Variants in PAQR9 observed in about 807,000 individuals in gnomAD.
PAQR9 encodes progestin and adipoQ receptor family member 9.
A neutral mutation model predicts 24.0 loss-of-function variants in PAQR9; 12 were observed. That is an observed-to-expected ratio of 0.50 (90% confidence interval 0.32 to 0.81). The LOEUF is 0.81. PAQR9 is among the 30% of genes least tolerant of loss of function. The pLI, the probability that PAQR9 is intolerant of heterozygous loss-of-function variation, is 0.03. For missense variants in PAQR9, 418 were observed against 520.8 expected, an observed-to-expected ratio of 0.80 and a Z score of 1.92; for synonymous variants, 266 against 237.6, an observed-to-expected ratio of 1.12 and a Z score of -1.10.
chr3:142,963,917 C>G, upstream of PAQR9: 1 of 984,166 alleles, frequency 1.0e-6, no homozygotes, highest in Non-Finnish European at 1.2e-6. Flanking sequence ...GGGCCGCAGG[C>G]TGGTCGGCGA....
downstream of PAQR9, among the ~76,000 whole-genome samples, chr3:142,951,382 C>T (rs1440264395): frequency 6.6e-6 from 1 of 152,172 alleles, no homozygotes; most frequent in Non-Finnish European, 1.5e-5. Flanking sequence ...AAGTAGCTGT[C>T]TGATTCAGAA....
At position 142,963,642 on chromosome 3, in the gene PAQR9, G is replaced by A. The variant is rs1050962671; in HGVS notation, c.-306C>T. 3 of 651,140 alleles carry A rather than the reference G, an allele frequency of 4.6e-6. No homozygotes were observed. In the African/African-American group the frequency reaches 6.0e-5, roughly 13 times the overall value. The allele number at this position is 651,140 out of a possible 1,614,324, so 40.3% of individuals were successfully genotyped here. A position where few individuals can be genotyped will look rare whatever the true frequency, so the allele number is the denominator to read the frequency against. On this transcript the variant is annotated 5_prime_UTR_variant, in exon 1 of 1. Coordinates refer to ENST00000340634, the MANE Select transcript of PAQR9 (RefSeq NM_198504.4). ...GCGCTGCGGCAGCGGCGGCGGCGCGGCTGACTGCGGCGGCAGCGCGGCAGC... is the reference window on the plus strand; with the variant it reads ...GCGCTGCGGCAGCGGCGGCGGCGCGACTGACTGCGGCGGCAGCGCGGCAGC...
upstream of PAQR9, chr3:142,963,810 C>A (rs896279254): frequency 2.0e-6 from 2 of 985,008 alleles, no homozygotes; most frequent in African/African-American, 3.5e-5. Context: ...GTTTCGCGGC[C>A]GCTTCGGGGG....
In PAQR9 at chr3:142,957,639, TG is replaced by T. The variant is rs1401259782; in HGVS notation, c.*4563del. ...GACATCTCAATTTAGGCACTTTGGA[TG>T]ATCCACTCTTCATAATAGTATGAAT... On this transcript the variant is annotated 3_prime_UTR_variant, in exon 1 of 1. Coordinates refer to ENST00000340634, the MANE Select transcript of PAQR9 (RefSeq NM_198504.4). Among the ~76,000 whole-genome samples the T allele has an allele frequency of 6.6e-6, 1 of 152,226 alleles. No individual in the cohort carries two copies. The highest frequency in any genetic ancestry group is 6.5e-5 in the Admixed American group (1 of 15,280).
Position 142,956,432 on chromosome 3 carries a change from T to C in PAQR9, c.*5771A>G, listed in dbSNP as rs2108239952. On this transcript the variant is annotated 3_prime_UTR_variant, in exon 1 of 1. Coordinates refer to ENST00000340634, the MANE Select transcript of PAQR9 (RefSeq NM_198504.4). ...TTTTGCACATTCAAGAAATTTTCCT[T>C]GAGAAATGCCATGTTTGGAATAGCT... Among the ~76,000 whole-genome samples the C allele has an allele frequency of 6.6e-6, 1 of 152,352 alleles. No homozygotes were observed. Among genetic ancestry groups the C allele is most frequent in the African/African-American group, 2.4e-5 (1 of 41,584 alleles).
At position 142,963,000 on chromosome 3, in the gene PAQR9, G is replaced by C. The variant is rs546700847; in HGVS notation, c.337C>G (p.Pro113Ala). 1 of 1,614,134 alleles carries C rather than the reference G, an allele frequency of 6.2e-7. No homozygotes were observed. The highest frequency in any genetic ancestry group is 1.7e-5 in the Admixed American group (1 of 60,032). Residue 113 changes from proline to alanine, a missense_variant, in exon 1 of 1, where the codon CCC becomes GCC. By Grantham distance (27) the Pro-to-Ala change is conservative. Around this residue, in one of 3 missense-constraint regions of PAQR9, gnomAD observed 180 missense variants for 190.3 expected, o/e 0.95. Transcript: ENST00000340634. ...RLFFLSGGDV[P>A]FHHPWLLPLW... ...GGTAGCAGCCACGGGTGGTGGAAGG[G>C]CACGTCGCCGCCGCTCAGGAAGAAC...
Position 142,963,300 on chromosome 3 carries a change from T to C in PAQR9, c.37A>G (p.Lys13Glu). 7.0e-7 allele frequency: 1 copy of C among 1,430,586 alleles called. No homozygotes were observed. The highest frequency in any genetic ancestry group is 9.1e-7 in the Non-Finnish European group (1 of 1,099,584). The allele number at this position is 1,430,586 out of a possible 1,614,324, so 88.6% of individuals were successfully genotyped here. Residue 13 changes from lysine (K) to glutamate (E), a missense_variant, in exon 1 of 1, where the codon AAA (lysine) becomes GAA (glutamate). Physicochemically the swap from Lys to Glu is moderately conservative, Grantham distance 56. This residue lies in a region of PAQR9 where 180 missense variants were observed against 190.3 expected (regional missense o/e 0.95). Coordinates refer to ENST00000340634, the MANE Select transcript of PAQR9 (RefSeq NM_198504.4). The part of the protein sequence containing the change: ...RRLQPRGAGT[K>E]GPPAPAPAAS... ...GCCGGGGCCGGGGCCGGAGGGCCTT[T>C]TGTGCCCGCGCCCCGGGGCTGCAGG...
Position 142,962,340 on chromosome 3 carries a change from G to A in PAQR9, c.997C>T (p.Leu333=). The part of the protein sequence containing the change: ...YDQVYYVEEG[L]RQFLQAPPAA... Reference sequence around the variant, plus strand: ...GGCGGCGCCTGGAGGAACTGGCGCAGGCCCTCTTCTACGTAGTACACCTGG... The same window carrying A: ...GGCGGCGCCTGGAGGAACTGGCGCAAGCCCTCTTCTACGTAGTACACCTGG... Residue 333 remains leucine (L), a synonymous_variant, in exon 1 of 1, where the codon CTG becomes TTG. Coordinates refer to ENST00000340634, the MANE Select transcript of PAQR9 (RefSeq NM_198504.4). 6.2e-7 allele frequency: 1 copy of A among 1,614,104 alleles called. No homozygotes were observed. Among genetic ancestry groups the A allele is most frequent in the Non-Finnish European group, 8.5e-7 (1 of 1,180,032 alleles).
Position 142,960,601 on chromosome 3 carries a change from T to G in PAQR9, c.*1602A>C, listed in dbSNP as rs1380015394. On this transcript the variant is annotated 3_prime_UTR_variant, in exon 1 of 1. Coordinates refer to ENST00000340634, the MANE Select transcript of PAQR9 (RefSeq NM_198504.4). ...AAAAAAACTCCCAATCAATGACTTA[T>G]TTGGCTTCTAACAAAATGACCTACC... 6.6e-6 allele frequency: 1 copy of G among 152,218 alleles called. No individual in the cohort carries two copies. The allele number at this position is 152,218 out of a possible 1,614,324, so 9.4% of individuals were successfully genotyped here.
At position 142,955,442 on chromosome 3, in the gene PAQR9, TAAAAAAAAAAAAA is replaced by T. The variant is rs150071656; in HGVS notation, c.*6748_*6760del. ...GAGCGACCACATGGTCTATACAAATTAAAAAAAAAAAAAAAAAAAAAAAAAAAAAAAAAAAGCA... is the reference window on the plus strand; with the variant it reads ...GAGCGACCACATGGTCTATACAAATTAAAAAAAAAAAAAAAAAAAAAAGCA... On this transcript the variant is annotated 3_prime_UTR_variant, in exon 1 of 1. Coordinates refer to ENST00000340634, the MANE Select transcript of PAQR9 (RefSeq NM_198504.4). 9.7e-4 allele frequency among the ~76,000 whole-genome samples: 21 copies of T among 21,610 alleles called. No individual in the cohort carries two copies. The South Asian group carries it at 0.019, about 19-fold the overall frequency. The allele number at this position is 21,610 out of a possible 152,430, so 14.2% of individuals were successfully genotyped here.
chr3:142,963,012 C>CGCTCAGGAAGAACAGACGGCAGAACTT lies in PAQR9; in HGVS notation c.298_324dup (p.Lys100_Ser108dup), dbSNP rs750236783. 3 of 1,614,170 alleles carry CGCTCAGGAAGAACAGACGGCAGAACTT rather than the reference C, an allele frequency of 1.9e-6. No individual in the cohort carries two copies. The highest frequency in any genetic ancestry group is 2.2e-5 in the East Asian group (1 of 44,872). On this transcript the variant is annotated inframe_insertion, in exon 1 of 1. Coordinates refer to ENST00000340634, the MANE Select transcript of PAQR9 (RefSeq NM_198504.4). ...GGGTGGTGGAAGGGCACGTCGCCGC[C>CGCTCAGGAAGAACAGACGGCAGAACTT]GCTCAGGAAGAACAGACGGCAGAAC...
At chr3:142,952,973 AC>A (rs1934739170), downstream of PAQR9, 2 of 438,832 alleles carry the variant, frequency 4.6e-6, no homozygotes, top group African/African-American at 4.0e-5. Context: ...CTCAAGAGAT[AC>A]GAGACAGCCC....
chr3:142,962,127 G>T lies in PAQR9; in HGVS notation c.*76C>A. Reference sequence around the variant, plus strand: ...CAAAGAAGAAAACACAATGAAATTTGAAAACAAACCAACAATAGCAACAAC... The same window carrying T: ...CAAAGAAGAAAACACAATGAAATTTTAAAACAAACCAACAATAGCAACAAC... On this transcript the variant is annotated 3_prime_UTR_variant, in exon 1 of 1. Coordinates refer to ENST00000340634, the MANE Select transcript of PAQR9 (RefSeq NM_198504.4). 2 of 1,481,886 alleles carry T rather than the reference G, an allele frequency of 1.3e-6. No homozygotes were observed. Among genetic ancestry groups the T allele is most frequent in the Non-Finnish European group, 9.2e-7 (1 of 1,087,862 alleles). 91.8% of individuals were successfully genotyped at this position (1,481,886 alleles called of 1,614,324 possible).
At position 142,962,957 on chromosome 3, in the gene PAQR9, GAC is replaced by G; in HGVS notation, c.378_379del (p.Ser127GlyfsTer249). 1 of 1,614,068 alleles carries G rather than the reference GAC, an allele frequency of 6.2e-7. No individual in the cohort carries two copies. Among genetic ancestry groups the G allele is most frequent in the East Asian group, 2.2e-5 (1 of 44,872 alleles). ...CATGGCGAAGGTCAGCAGCACTCCC[GAC>G]GCGTAGCACCACAACGGTAGCAGCC... On this transcript the variant is annotated frameshift_variant, in exon 1 of 1. Coordinates refer to ENST00000340634, the MANE Select transcript of PAQR9 (RefSeq NM_198504.4). LOFTEE classifies it high-confidence loss of function.
At position 142,962,410 on chromosome 3, in the gene PAQR9, G is replaced by A. The variant is rs1352581919; in HGVS notation, c.927C>T (p.His309=). Residue 309 remains histidine (H), a synonymous_variant, in exon 1 of 1, where the codon CAC becomes CAT. Coordinates refer to ENST00000340634, the MANE Select transcript of PAQR9 (RefSeq NM_198504.4). ...TGAAGATGTGGAAGAGCTGGTGGCT[G>A]TGGCCGATAATGTCGAAAAGACCCG... ...IQPGLFDIIG[H]SHQLFHIFTF... 2 of 1,614,196 alleles carry A rather than the reference G, an allele frequency of 1.2e-6. No homozygotes were observed. Among genetic ancestry groups the A allele is most frequent in the Non-Finnish European group, 8.5e-7 (1 of 1,180,036 alleles).
downstream of PAQR9, chr3:142,951,800 G>C: frequency 2.2e-6 from 1 of 456,618 alleles, no homozygotes; most frequent in Non-Finnish European, 4.4e-6. Flanking sequence ...AAAGTCAGCA[G>C]AGGAGACTGT....
rs1006565541 is a variant in PAQR9 at position 142,961,992 on chromosome 3, C to T, written c.*211G>A. ...GGGGCAAGAACAAGTGACTATCTCCCTCCCGCTTGACCACCCCTGCCAACC... is the reference window on the plus strand; with the variant it reads ...GGGGCAAGAACAAGTGACTATCTCCTTCCCGCTTGACCACCCCTGCCAACC... On this transcript the variant is annotated 3_prime_UTR_variant, in exon 1 of 1. Coordinates refer to ENST00000340634, the MANE Select transcript of PAQR9 (RefSeq NM_198504.4). 7.0e-6 allele frequency: 4 copies of T among 574,848 alleles called. No homozygotes were observed. The highest frequency in any genetic ancestry group is 4.6e-4 in the Middle Eastern group (1 of 2,164). The allele number at this position is 574,848 out of a possible 1,614,324, so 35.6% of individuals were successfully genotyped here.
downstream of PAQR9, chr3:142,951,907 G>A (rs560659323): frequency 8.9e-5 from 34 of 381,534 alleles, no homozygotes; most frequent in East Asian, 2.3e-3. Flanking sequence ...CCATCAACAA[G>A]GAGGCTGATG....
downstream of PAQR9, chr3:142,951,614 TAGA>T: frequency 2.3e-6 from 1 of 435,754 alleles, no homozygotes; most frequent in Non-Finnish European, 4.6e-6. Flanking sequence ...ACAAACTCAC[TAGA>T]AGAATTACAG....
Sources: allele counts gnomAD v4.1 joint callset (sites outside exome capture counted in the v4.1 genomes callset), GRCh38; gene constraint gnomAD v4.1.1; regional missense constraint gnomAD v4.1.1; transcripts MANE v1.5; gene names NCBI Gene and HGNC (gene_info 2026-07-23, HGNC 2026-07-21).